The following KCNIP4 variants were observed in gnomAD, a reference collection of about 807,000 sequenced individuals.
The protein encoded by KCNIP4 is Kv channel-interacting protein 4.
In KCNIP4, 12 loss-of-function variants were observed where a neutral mutation model predicts 34.0. The ratio of observed to expected loss-of-function variants is 0.35; its 90% CI spans 0.23 to 0.57. KCNIP4 has a LOEUF of 0.57. Among genes scored for constraint, KCNIP4 ranks in the 20% least tolerant of loss-of-function variants. KCNIP4 has a pLI of 0.83. For synonymous variants in KCNIP4, 124 were observed against 102.2 expected, an observed-to-expected ratio of 1.21 and a Z score of -1.29; for missense variants, 238 against 311.7, an observed-to-expected ratio of 0.76 and a Z score of 1.78.
intron 1 of KCNIP4, among the ~76,000 whole-genome samples, chr4:21,536,421 A>G (rs1173090516): frequency 5.3e-5 from 8 of 152,188 alleles, no homozygotes; most frequent in Non-Finnish European, 5.9e-5. Context: ...ACAAGTAACC[A>G]AAATACGAAT....
intron 1 of KCNIP4, chr4:21,697,301 T>TCTA (rs1712426177): frequency 7.3e-7 from 1 of 1,373,300 alleles, no homozygotes; most frequent in Admixed American, 3.3e-5. Flanking sequence ...ATTACCATGC[T>TCTA]CTACTAGCCT....
chr4:20,926,136 T>C (rs1729878363), intron 1 of KCNIP4, among the ~76,000 whole-genome samples: 1 of 152,236 alleles, frequency 6.6e-6, no homozygotes, highest in African/African-American at 2.4e-5. Flanking sequence ...TGAATCCTCC[T>C]GAAATCCAGG....
intron 1 of KCNIP4, among the ~76,000 whole-genome samples, chr4:20,913,019 C>T (rs1728471129): frequency 6.6e-6 from 1 of 152,100 alleles, no homozygotes; most frequent in Non-Finnish European, 1.5e-5. Flanking sequence ...CCTGACATTT[C>T]AATCCTAGGT....
chr4:20,748,783 G>A, intron 5 of KCNIP4, among the ~76,000 whole-genome samples: 1 of 149,734 alleles, frequency 6.7e-6, no homozygotes. Flanking sequence ...GCTGATCAGA[G>A]TTCATGTTGG....
chr4:21,326,755 G>T (rs1187560952), intron 1 of KCNIP4, among the ~76,000 whole-genome samples: 1 of 150,400 alleles, frequency 6.6e-6, no homozygotes, highest in Non-Finnish European at 1.5e-5. Flanking sequence ...TAGTGAAGGT[G>T]TTTTTCTCTG....
intron 1 of KCNIP4, among the ~76,000 whole-genome samples, chr4:21,931,728 G>A (rs1042615557): frequency 2.0e-5 from 3 of 152,052 alleles, no homozygotes; most frequent in South Asian, 4.2e-4. Context: ...GAATAGTGCC[G>A]CAATAAACAT....
intron 1 of KCNIP4, among the ~76,000 whole-genome samples, chr4:20,956,623 T>C (rs1382166033): frequency 6.6e-6 from 1 of 152,120 alleles, no homozygotes; most frequent in Non-Finnish European, 1.5e-5. Context: ...AATAAAACAA[T>C]AGATTAAAAA....
At chr4:20,794,772 A>G (rs1281946926) in intron 3 of KCNIP4, among the ~76,000 whole-genome samples, 1 of 152,226 alleles carries the variant, frequency 6.6e-6, no homozygotes, top group Non-Finnish European at 1.5e-5. Context: ...TTGCATAGGC[A>G]TATAAGTGTG....
chr4:21,147,299 C>T (rs114292129), intron 1 of KCNIP4, among the ~76,000 whole-genome samples: 544 of 152,240 alleles, frequency 3.6e-3, no homozygotes, highest in Non-Finnish European at 6.4e-3. Context: ...CTTCAGTTCT[C>T]GGGGAGGCCC....
At chr4:21,498,176 A>G (rs566767474) in intron 1 of KCNIP4, among the ~76,000 whole-genome samples, 35 of 152,312 alleles carry the variant, frequency 2.3e-4, no homozygotes, top group African/African-American at 8.2e-4. Context: ...AAGATTCTCA[A>G]ATCTGCAACT....
intron 1 of KCNIP4, among the ~76,000 whole-genome samples, chr4:21,628,945 T>A (rs1745524116): frequency 6.6e-6 from 1 of 152,188 alleles, no homozygotes; most frequent in African/African-American, 2.4e-5. Flanking sequence ...CACAAATATG[T>A]GGTTTTGTGG....
intron 1 of KCNIP4, among the ~76,000 whole-genome samples, chr4:21,839,955 A>G (rs1298434814): frequency 6.6e-6 from 1 of 152,018 alleles, no homozygotes; most frequent in Non-Finnish European, 1.5e-5. Context: ...CCCACCCTAC[A>G]TCTTGCCACT....
At chr4:21,730,706 T>C (rs1715526638) in intron 1 of KCNIP4, among the ~76,000 whole-genome samples, 1 of 152,150 alleles carries the variant, frequency 6.6e-6, no homozygotes. Context: ...TAAGTGGAAA[T>C]GTTATTTTGA....
chr4:20,758,922 A>G (rs1413245254), intron 3 of KCNIP4, 32 bp from the exon 4 acceptor site: 2 of 1,585,956 alleles, frequency 1.3e-6, no homozygotes, highest in Admixed American at 1.7e-5. Flanking sequence ...CAATATGAGC[A>G]AAGTGTTCAT....
intron 1 of KCNIP4, among the ~76,000 whole-genome samples, chr4:21,774,193 A>C (rs1330828010): frequency 6.6e-6 from 1 of 152,028 alleles, no homozygotes; most frequent in Non-Finnish European, 1.5e-5. Context: ...CTTCACTTAT[A>C]AAACTTAGTT....
intron 1 of KCNIP4, among the ~76,000 whole-genome samples, chr4:21,168,605 T>C (rs1753800641): frequency 1.3e-5 from 2 of 152,148 alleles, no homozygotes; most frequent in Non-Finnish European, 2.9e-5. Flanking sequence ...AGTCCTAATT[T>C]CCAAAATTTT....
chr4:21,408,101 A>T (rs1442599242), intron 1 of KCNIP4, among the ~76,000 whole-genome samples: 1 of 152,224 alleles, frequency 6.6e-6, no homozygotes, highest in Non-Finnish European at 1.5e-5. Flanking sequence ...GACATTGAAG[A>T]CTTCCAATAT....
chr4:20,989,618 T>A (rs931105753), intron 1 of KCNIP4, among the ~76,000 whole-genome samples: 1 of 152,136 alleles, frequency 6.6e-6, no homozygotes, highest in African/African-American at 2.4e-5. Context: ...TCTAGGTCAT[T>A]GAAAATGAGT....
At chr4:21,118,771 T>C (rs535192424) in intron 1 of KCNIP4, among the ~76,000 whole-genome samples, 1 of 151,830 alleles carries the variant, frequency 6.6e-6, no homozygotes, top group Non-Finnish European at 1.5e-5. Context: ...CCCCTTAAGA[T>C]GTGTGTAGGA....
Sources: allele counts gnomAD v4.1 joint callset (sites outside exome capture counted in the v4.1 genomes callset), GRCh38; gene constraint gnomAD v4.1.1; transcripts MANE v1.5; gene names NCBI Gene and HGNC (gene_info 2026-07-23, HGNC 2026-07-21).